TNC: variants seen among roughly 807,000 people sequenced by gnomAD.
TNC encodes tenascin C, also known as tenascin.
Under a neutral mutation model 202.4 loss-of-function variants are expected in TNC, and 109 were observed. The observed-to-expected ratio is 0.54, with a 90% confidence interval of 0.46 to 0.63. The LOEUF (loss-of-function observed/expected upper bound fraction) is 0.63. Among genes scored for constraint, TNC ranks in the 30% least tolerant of loss-of-function variants. The pLI, the probability that TNC is intolerant of heterozygous loss-of-function variation, is 0.00. For missense variants in TNC, 2,756 were observed against 2,833.3 expected (o/e 0.97, Z 0.62); for synonymous variants, 1,007 against 1,089.7 (o/e 0.92, Z 1.50).
intron 14 of TNC, among the ~76,000 whole-genome samples, chr9:115,057,935 G>T (rs962970521): frequency 3.3e-5 from 5 of 152,216 alleles, no homozygotes; most frequent in African/African-American, 1.2e-4. Flanking sequence ...TCCCAAGGTG[G>T]TAACTTGAGG....
At chr9:115,056,243 T>C (rs1311407237) in intron 15 of TNC, among the ~76,000 whole-genome samples, 1 of 152,164 alleles carries the variant, frequency 6.6e-6, no homozygotes, top group East Asian at 1.9e-4. Flanking sequence ...TTCTCCTGTG[T>C]TTGTTCTGTA....
chr9:115,064,517 G>A, intron 11 of TNC, 130 bp downstream of exon 11: 1 of 1,202,510 alleles, frequency 8.3e-7, no homozygotes, highest in Non-Finnish European at 1.2e-6. Context: ...ATGGCCTCGT[G>A]TCACAATTAG....
chr9:115,112,809 T>A (rs1837180756), intron 1 of TNC: 1 of 152,296 alleles, frequency 6.6e-6, no homozygotes, highest in Non-Finnish European at 1.5e-5. Context: ...CAGTCCAGTG[T>A]GGCAGGGAAG....
Position 115,021,098 on chromosome 9 carries a change from G to A in TNC, c.*59C>T. On this transcript the variant is annotated 3_prime_UTR_variant, in exon 28 of 28. Coordinates refer to ENST00000350763, the MANE Select transcript of TNC (RefSeq NM_002160.4). ...GTTGGGCTGGTTGTATTGATGCTTTGGTAAAATCCTTTCCTCGCTCTGGGC... is the reference window on the plus strand; with the variant it reads ...GTTGGGCTGGTTGTATTGATGCTTTAGTAAAATCCTTTCCTCGCTCTGGGC... 7.1e-7 allele frequency: 1 copy of A among 1,400,272 alleles called. No individual in the cohort carries two copies. Among genetic ancestry groups the A allele is most frequent in the Admixed American group, 1.7e-5 (1 of 58,126 alleles). The allele number at this position is 1,400,272 out of a possible 1,614,324, so 86.7% of individuals were successfully genotyped here. A position where few individuals can be genotyped will look rare whatever the true frequency, so the allele number is the denominator to read the frequency against.
intron 5 of TNC, 134 bp downstream of exon 5, chr9:115,082,558 A>T (rs923598503): frequency 1.1e-5 from 7 of 626,730 alleles, no homozygotes; most frequent in Non-Finnish European, 2.0e-5. Flanking sequence ...AGATGCAAAC[A>T]CAAATGATGC....
rs1157055710 is a variant in TNC, at chr9:115,081,873, T to TA, written c.2302dup (p.Tyr768LeufsTer13). 1 of 1,602,992 alleles carries TA rather than the reference T, an allele frequency of 6.2e-7. No homozygotes were observed. The highest frequency in any genetic ancestry group is 8.5e-7 in the Non-Finnish European group (1 of 1,177,348). ...CCCAGGAGCTAGACCAGTTTGCCGG[T>TA]AAGAGGTCTCTGGCCTCCTCAGGCT... is the stretch of plus-strand genomic sequence containing the variant. On this transcript the variant is annotated frameshift_variant, in exon 6 of 28. Coordinates refer to ENST00000350763, the MANE Select transcript of TNC (RefSeq NM_002160.4). LOFTEE classifies it high-confidence loss of function.
Position 115,048,544 on chromosome 9 carries a change from G to A in TNC, c.4580-12C>T. 1.2e-6 allele frequency: 2 copies of A among 1,605,342 alleles called. No homozygotes were observed. Among genetic ancestry groups the A allele is most frequent in the South Asian group, 1.1e-5 (1 of 90,666 alleles). On this transcript the variant is annotated splice_polypyrimidine_tract_variant and intron_variant, in intron 15 of 27. Coordinates refer to ENST00000350763, the MANE Select transcript of TNC (RefSeq NM_002160.4). ...AAGGGGCAGGGCCTCTGAAAGAAGG[G>A]AGGAGTGAAAATAACTCAGGTTAGC... is the stretch of plus-strand genomic sequence containing the variant.
intron 21 of TNC, chr9:115,035,541 C>T: frequency 2.0e-6 from 1 of 511,198 alleles, no homozygotes; most frequent in Non-Finnish European, 3.4e-6. Flanking sequence ...ATCCTAAGGG[C>T]TGGATGTTTC....
rs1039260054 is a variant in TNC at position 115,031,581 on chromosome 9, G to A, written c.5892C>T (p.Ser1964=). 6.2e-7 allele frequency: 1 copy of A among 1,604,760 alleles called. No individual in the cohort carries two copies. Residue 1964 remains serine, a synonymous_variant, in exon 23 of 28, where the codon AGC becomes AGT. Coordinates refer to ENST00000350763, the MANE Select transcript of TNC (RefSeq NM_002160.4). ...TGGTGAAGATGGTCTGGATCATATT[G>A]CTCCTCAGGGGCCCATTGAGTGCCT... ...KIQALNGPLR[S]NMIQTIFTTI... is the part of the protein sequence containing the mutation.
chr9:115,032,122 G>T (rs372190283), intron 22 of TNC, among the ~76,000 whole-genome samples: 74 of 151,262 alleles, frequency 4.9e-4, no homozygotes, highest in African/African-American at 1.2e-3. Context: ...TGTGAAGGGG[G>T]TTTTTTTTTG....
intron 11 of TNC, 74 bp downstream of exon 11, chr9:115,064,573 A>G (rs1832796162): frequency 6.7e-7 from 1 of 1,498,660 alleles, no homozygotes; most frequent in Non-Finnish European, 9.0e-7. Flanking sequence ...TTCCAAAGCT[A>G]GTCGTGTCTG....
chr9:115,025,756 G>C (rs1829429542), intron 26 of TNC, among the ~76,000 whole-genome samples: 1 of 152,224 alleles, frequency 6.6e-6, no homozygotes, highest in Non-Finnish European at 1.5e-5. Context: ...ATCTACAAAA[G>C]AGGATGGTAC....
At chr9:115,073,169 TAAC>T (rs555278814) in intron 10 of TNC, among the ~76,000 whole-genome samples, 23 of 151,886 alleles carry the variant, frequency 1.5e-4, no homozygotes, top group Non-Finnish European at 2.1e-4. Flanking sequence ...TTGTAGAAAA[TAAC>T]AACAACAAAA....
chr9:115,021,301 G>A, intron 27 of TNC, 34 bp from the exon 28 acceptor site: 4 of 1,541,720 alleles, frequency 2.6e-6, no homozygotes, highest in Non-Finnish European at 3.6e-6. Flanking sequence ...GAGAGAGAGA[G>A]AGAGAAGGCC....
At chr9:115,040,822 T>G (rs1437032097) in intron 19 of TNC, 119 bp downstream of exon 19, 5 of 1,307,590 alleles carry the variant, frequency 3.8e-6, no homozygotes, top group Non-Finnish European at 5.1e-6. Context: ...AAAACCCCCC[T>G]TTTTTTCCAG....
chr9:115,109,108 C>T (rs988843101), intron 1 of TNC, among the ~76,000 whole-genome samples: 30 of 152,324 alleles, frequency 2.0e-4, no homozygotes, highest in African/African-American at 7.0e-4. Flanking sequence ...TTCCCAAACT[C>T]ATTTGGCCAC....
intron 1 of TNC, among the ~76,000 whole-genome samples, chr9:115,108,856 T>C (rs1349396711): frequency 6.6e-6 from 1 of 152,256 alleles, no homozygotes; most frequent in African/African-American, 2.4e-5. Flanking sequence ...AGGTGCCATC[T>C]TGATCTTGGA....
At chr9:115,040,906 AACAC>A (rs35141770) in intron 19 of TNC, 31 bp downstream of exon 19, 27 of 1,477,470 alleles carry the variant, frequency 1.8e-5, no homozygotes, top group Admixed American at 1.2e-4. Context: ...GAAAAATAGT[AACAC>A]ACACACACAC....
intron 15 of TNC, among the ~76,000 whole-genome samples, chr9:115,053,278 T>G (rs1831848412): frequency 6.6e-6 from 1 of 152,240 alleles, no homozygotes. Context: ...CACCACCATT[T>G]GCTAGTCATG....
Sources: gnomAD v4.1 joint callset for allele counts (sites outside exome capture counted in the v4.1 genomes callset) on GRCh38, gnomAD v4.1.1 for gene constraint, MANE v1.5 for transcripts, NCBI Gene and HGNC (gene_info 2026-07-23, HGNC 2026-07-21) for gene names.